Variants in CRTC1 observed in about 807,000 individuals in gnomAD.
CRTC1 encodes CREB regulated transcription coactivator 1.
Under a neutral mutation model 66.1 loss-of-function variants are expected in CRTC1, and 18 were observed. The observed-to-expected ratio is 0.27, with a 90% CI of 0.19 to 0.40. The LOEUF is 0.40. Ranked by LOEUF, CRTC1 falls within the 10% of genes least tolerant of loss-of-function variation. The pLI is 1.00. For synonymous variants in CRTC1, 416 were observed against 398.8 expected (o/e 1.04, Z -0.51); for missense variants, 669 against 887.9 (o/e 0.75, Z 3.13).
chr19:18,769,040 C>T (rs1023551225), intron 10 of CRTC1, among the ~76,000 whole-genome samples: 2 of 152,250 alleles, frequency 1.3e-5, no homozygotes, highest in Non-Finnish European at 2.9e-5. Context: ...GGTGGGCCAC[C>T]CCATGTTTAA....
intron 6 of CRTC1, among the ~76,000 whole-genome samples, chr19:18,755,194 G>A (rs2054456792): frequency 6.6e-6 from 1 of 151,986 alleles, no homozygotes; most frequent in Non-Finnish European, 1.5e-5. Context: ...TCACCATGTT[G>A]GCCAGGCTGG....
chr19:18,736,763 C>T (rs1339732345), intron 1 of CRTC1, among the ~76,000 whole-genome samples: 1 of 152,172 alleles, frequency 6.6e-6, no homozygotes, highest in Non-Finnish European at 1.5e-5. Flanking sequence ...TCCCTGGCCC[C>T]CCCACAGGGA....
intron 1 of CRTC1, among the ~76,000 whole-genome samples, chr19:18,688,142 G>T (rs962298017): frequency 1.3e-5 from 2 of 152,142 alleles, no homozygotes; most frequent in Non-Finnish European, 2.9e-5. Flanking sequence ...AGGGGGGACA[G>T]GAGAGCATCA....
chr19:18,745,064 A>T (rs1276991980), intron 2 of CRTC1, among the ~76,000 whole-genome samples: 1 of 152,204 alleles, frequency 6.6e-6, no homozygotes, highest in African/African-American at 2.4e-5. Flanking sequence ...CAAGTGGGCA[A>T]CACAGGGTCA....
chr19:18,759,621 C>G (rs534498711), intron 7 of CRTC1, 30 bp downstream of exon 7: 1 of 1,608,190 alleles, frequency 6.2e-7, no homozygotes, highest in African/African-American at 1.3e-5. Flanking sequence ...ACCCCGCACA[C>G]TGCATCTGCT....
intron 11 of CRTC1, among the ~76,000 whole-genome samples, chr19:18,772,197 G>A (rs890157251): frequency 3.3e-5 from 5 of 152,172 alleles, no homozygotes; most frequent in African/African-American, 9.7e-5. Context: ...CAAGGTTCAG[G>A]TTCCTCGGAA....
At chr19:18,729,338 A>C (rs2053833793) in intron 1 of CRTC1, among the ~76,000 whole-genome samples, 1 of 151,010 alleles carries the variant, frequency 6.6e-6, no homozygotes, top group East Asian at 2.0e-4. Flanking sequence ...AGGTGGGAGA[A>C]TGGCGTGAAC....
chr19:18,715,677 A>C (rs1210432594), intron 1 of CRTC1, among the ~76,000 whole-genome samples: 1 of 152,070 alleles, frequency 6.6e-6, no homozygotes, highest in Non-Finnish European at 1.5e-5. Flanking sequence ...CCTGCTTCTC[A>C]GTGTGTGGAC....
At position 18,690,871 on chromosome 19, in the gene CRTC1, A is replaced by G. The variant is rs560048491; in HGVS notation, c.126+7043A>G. On this transcript the variant is annotated intron_variant, in intron 1 of 13. Transcript: ENST00000321949. ...AAGCCCCGTCTCTACTAAAAATACA[A>G]AAAAATTAGCTGGGCGTGGTGGTGA... Among the ~76,000 whole-genome samples, 96 of 151,946 alleles carry G rather than the reference A, an allele frequency of 6.3e-4. 2 individuals carry two copies. The South Asian group carries it at 0.019, about 31-fold the overall frequency.
At chr19:18,765,622 G>T in intron 9 of CRTC1, 94 bp downstream of exon 9, 1 of 1,274,392 alleles carries the variant, frequency 7.8e-7, no homozygotes, top group African/African-American at 1.5e-5. Context: ...CCTTCCAGGA[G>T]GCCACAAAAC....
rs117750432 is a variant in CRTC1 at position 18,770,918 on chromosome 19, G to A, written c.1321-524G>A. Among the ~76,000 whole-genome samples, 12 of 151,646 alleles carry A rather than the reference G, an allele frequency of 7.9e-5. No individual in the cohort carries two copies. The East Asian group carries it at 2.3e-3, about 29-fold the overall frequency. On this transcript the variant is annotated intron_variant, in intron 10 of 13. Transcript: ENST00000321949. ...TGTGCATTTGTGGGTATGTACGTTT[G>A]TGTGTGGATGTGTGCCTGTGTGTGT...
chr19:18,723,252 A>G (rs1335571232), intron 1 of CRTC1, among the ~76,000 whole-genome samples: 1 of 152,192 alleles, frequency 6.6e-6, no homozygotes, highest in Non-Finnish European at 1.5e-5. Context: ...GCCTACAATC[A>G]TATTTTGTTG....
At chr19:18,690,754 A>G (rs550528665) in intron 1 of CRTC1, among the ~76,000 whole-genome samples, 1 of 152,138 alleles carries the variant, frequency 6.6e-6, no homozygotes, top group Admixed American at 6.6e-5. Flanking sequence ...GGCTGGGCGC[A>G]GTGGCTCACT....
chr19:18,711,087 A>G (rs1048372527), intron 1 of CRTC1, among the ~76,000 whole-genome samples: 2 of 152,156 alleles, frequency 1.3e-5, no homozygotes, highest in African/African-American at 2.4e-5. Context: ...AGCTGCAGTA[A>G]ATTTCCTTGG....
At chr19:18,755,717 C>G (rs2054469598) in intron 6 of CRTC1, among the ~76,000 whole-genome samples, 1 of 151,520 alleles carries the variant, frequency 6.6e-6, no homozygotes, top group Non-Finnish European at 1.5e-5. Context: ...ATTCTTCTGC[C>G]TCAGCCTCCC....
At chr19:18,693,479 GTTTTTGT>G (rs891612505) in intron 1 of CRTC1, among the ~76,000 whole-genome samples, 20 of 129,704 alleles carry the variant, frequency 1.5e-4, no homozygotes, top group Middle Eastern at 3.9e-3. Flanking sequence ...TAACTCTTTT[GTTTTTGT>G]TTTTTTTTTT....
chr19:18,707,024 C>T (rs2053282951), intron 1 of CRTC1, among the ~76,000 whole-genome samples: 2 of 152,224 alleles, frequency 1.3e-5, no homozygotes, highest in South Asian at 4.1e-4. Flanking sequence ...TTTTGATGCA[C>T]AAGTGTTTTT....
Position 18,738,623 on chromosome 19 carries a change from G to A in CRTC1, c.127-4287G>A, listed in dbSNP as rs535244585. On this transcript the variant is annotated intron_variant, in intron 1 of 13. Transcript: ENST00000321949. ...CTGAGACCAGCCTGGCCAACATGGC[G>A]AAACCCCATCTCTACTAAAAATACA... Among the ~76,000 whole-genome samples, 144 of 152,228 alleles carry A rather than the reference G, an allele frequency of 9.5e-4. 2 individuals carry two copies. Among genetic ancestry groups the A allele is most frequent in the African/African-American group, 3.4e-3 (142 of 41,538 alleles).
At chr19:18,738,507 G>A (rs1322702147) in intron 1 of CRTC1, among the ~76,000 whole-genome samples, 1 of 152,056 alleles carries the variant, frequency 6.6e-6, no homozygotes, top group Non-Finnish European at 1.5e-5. Context: ...AATTGTAAGA[G>A]AAAGGAGAGC....
Sources: gnomAD v4.1 joint callset for allele counts (sites outside exome capture counted in the v4.1 genomes callset) on GRCh38, gnomAD v4.1.1 for gene constraint, MANE v1.5 for transcripts, NCBI Gene and HGNC (gene_info 2026-07-23, HGNC 2026-07-21) for gene names.